The following IKZF1 variants were observed in gnomAD, a reference collection of about 807,000 sequenced individuals.
The protein encoded by IKZF1 is IKAROS family zinc finger 1, also known as DNA-binding protein Ikaros.
Under a neutral mutation model 51.7 loss-of-function variants are expected in IKZF1, and 10 were observed. The ratio of observed to expected loss-of-function variants is 0.19; its 90% confidence interval spans 0.12 to 0.33. The LOEUF (loss-of-function observed/expected upper bound fraction) is 0.33. IKZF1 is among the 10% of genes least tolerant of loss of function. The pLI, the probability that IKZF1 is intolerant of heterozygous loss-of-function variation, is 1.00. For synonymous variants in IKZF1, 280 were observed against 282.3 expected (o/e 0.99, Z 0.08); for missense variants, 484 against 707.5 (o/e 0.68, Z 3.58).
rs533558950 is a variant in IKZF1 at position 50,348,463 on chromosome 7, T to C, written c.160+20706T>C. Among the ~76,000 whole-genome samples, 2 of 152,296 alleles carry C rather than the reference T, an allele frequency of 1.3e-5. 1 individual carries two copies. Among genetic ancestry groups the C allele is most frequent in the South Asian group, 4.1e-4 (2 of 4,828 alleles). ...TGAGAAACAGTTATTTTTGGGACATTCTTTGAGGTAAAACACCTCCTTAAG... is the reference window on the plus strand; with the variant it reads ...TGAGAAACAGTTATTTTTGGGACATCCTTTGAGGTAAAACACCTCCTTAAG... On this transcript the variant is annotated intron_variant, in intron 3 of 7. Coordinates refer to ENST00000331340, the MANE Select transcript of IKZF1 (RefSeq NM_006060.6).
At chr7:50,342,460 A>G (rs1799269989) in intron 3 of IKZF1, among the ~76,000 whole-genome samples, 1 of 152,218 alleles carries the variant, frequency 6.6e-6, no homozygotes, top group African/African-American at 2.4e-5. Flanking sequence ...TGCTTTATAG[A>G]CATGAGGCAG....
rs1040607869 is a variant in IKZF1 at position 50,400,130 on chromosome 7, G to A, written c.1063G>A (p.Ala355Thr). The A allele has an allele frequency of 1.3e-6, 2 of 1,562,942 alleles. No homozygotes were observed. The highest frequency in any genetic ancestry group is 1.7e-6 in the Non-Finnish European group (2 of 1,155,532). The change falls in exon 8 of 8, where the codon GCG becomes ACG. Residue 355 changes from alanine (A) to threonine (T), a missense_variant. Coordinates refer to ENST00000331340, the MANE Select transcript of IKZF1 (RefSeq NM_006060.6). The surrounding 1 kb of genome is among the most constrained non-coding windows in gnomAD (Gnocchi z 5.4). ...SPMYQLHKPL[A>T]EGTPRSNHSA... ...GATGTACCAGCTGCACAAGCCGCTC[G>A]CGGAGGGCACCCCGCGCTCCAACCA...
intron 1 of IKZF1, among the ~76,000 whole-genome samples, chr7:50,316,742 A>G (rs532536237): frequency 6.6e-6 from 1 of 152,344 alleles, no homozygotes; most frequent in South Asian, 2.1e-4. Context: ...AGGACTTAGC[A>G]TTGATCACCT....
At chr7:50,368,613 C>T (rs984250259) in intron 3 of IKZF1, 4 of 412,438 alleles carry the variant, frequency 9.7e-6, no homozygotes, top group Non-Finnish European at 1.7e-5. Flanking sequence ...CCCGCAGGAC[C>T]TTCTCTGATC....
intron 3 of IKZF1, among the ~76,000 whole-genome samples, chr7:50,341,162 T>TA (rs1554340880): frequency 3.3e-5 from 5 of 151,024 alleles, no homozygotes; most frequent in African/African-American, 1.2e-4. Flanking sequence ...TTTTTTTTTT[T>TA]AGACAGAGTT....
chr7:50,341,092 A>T (rs1726711830), intron 3 of IKZF1, among the ~76,000 whole-genome samples: 1 of 151,160 alleles, frequency 6.6e-6, no homozygotes, highest in South Asian at 2.1e-4. Flanking sequence ...ATATACCCTT[A>T]AAATCTGCTT....
In IKZF1 at chr7:50,319,057, G is replaced by A. The variant is rs769828591; in HGVS notation, c.-5G>A. 12 of 1,611,988 alleles carry A rather than the reference G, an allele frequency of 7.4e-6. No homozygotes were observed. The highest frequency in any genetic ancestry group is 1.0e-5 in the Non-Finnish European group (12 of 1,178,186). On this transcript the variant is annotated 5_prime_UTR_variant, in exon 2 of 8. Transcript: ENST00000331340. ...TTCCTCTCTTTCTCAGATAACCTGA[G>A]GACCATGGATGCTGATGAGGGTCAA...
In IKZF1 at chr7:50,400,592, A is replaced by G. The variant is rs762184064; in HGVS notation, c.1525A>G (p.Ile509Val). 3 of 1,612,642 alleles carry G rather than the reference A, an allele frequency of 1.9e-6. No homozygotes were observed. The highest frequency in any genetic ancestry group is 2.5e-6 in the Non-Finnish European group (3 of 1,179,882). ...SQDRYEFSSHITRGEHRFHMS is the reference protein window; with the variant it reads ...SQDRYEFSSHVTRGEHRFHMS ...GGACCGGTACGAGTTCTCGTCGCAC[A>G]TAACGCGAGGGGAGCACCGCTTCCA... Residue 509 changes from isoleucine (I) to valine (V), a missense_variant, in exon 8 of 8, where the codon ATA (isoleucine) becomes GTA (valine). Ile to Val is a conservative substitution (Grantham distance 29, BLOSUM62 3). Transcript: ENST00000331340. This position sits in a 1 kb window ranked among gnomAD's most constrained non-coding sequence, Gnocchi z 5.4.
intron 2 of IKZF1, among the ~76,000 whole-genome samples, chr7:50,324,191 A>T (rs1156702415): frequency 2.0e-5 from 3 of 152,224 alleles, no homozygotes; most frequent in Non-Finnish European, 4.4e-5. Context: ...GGGTTTCATG[A>T]AGTGATAACT....
At chr7:50,341,162 T>TC (rs1394713634) in intron 3 of IKZF1, among the ~76,000 whole-genome samples, 1 of 151,024 alleles carries the variant, frequency 6.6e-6, no homozygotes, top group Middle Eastern at 3.2e-3. Context: ...TTTTTTTTTT[T>TC]AGACAGAGTT....
At chr7:50,353,387 A>G (rs1014239910) in intron 3 of IKZF1, among the ~76,000 whole-genome samples, 1 of 152,180 alleles carries the variant, frequency 6.6e-6, no homozygotes, top group Non-Finnish European at 1.5e-5. Context: ...GCAAGGCCTG[A>G]GGTCTGGAAG....
At chr7:50,339,895 T>A (rs1231160110) in intron 3 of IKZF1, among the ~76,000 whole-genome samples, 2 of 152,236 alleles carry the variant, frequency 1.3e-5, no homozygotes, top group South Asian at 4.1e-4. Flanking sequence ...TACATTAATA[T>A]GTTACTAAAT....
intron 7 of IKZF1, among the ~76,000 whole-genome samples, chr7:50,395,197 T>C (rs1456181434): frequency 6.6e-6 from 1 of 152,198 alleles, no homozygotes; most frequent in East Asian, 1.9e-4. Flanking sequence ...CTAAATATTT[T>C]CTGTTGCATA....
intron 2 of IKZF1, among the ~76,000 whole-genome samples, chr7:50,322,984 A>T (rs1793827791): frequency 6.6e-6 from 1 of 152,230 alleles, no homozygotes; most frequent in African/African-American, 2.4e-5. Flanking sequence ...TTCCATAAAC[A>T]TAAACATAAA....
At chr7:50,324,152 G>A (rs563732590) in intron 2 of IKZF1, among the ~76,000 whole-genome samples, 1 of 152,276 alleles carries the variant, frequency 6.6e-6, no homozygotes, top group Non-Finnish European at 1.5e-5. Flanking sequence ...TTTAAAATCA[G>A]TGCATAAAAA....
intron 3 of IKZF1, among the ~76,000 whole-genome samples, chr7:50,335,023 T>G (rs1391592521): frequency 6.7e-6 from 1 of 149,574 alleles, no homozygotes; most frequent in Non-Finnish European, 1.5e-5. Context: ...ATGTGTGTAT[T>G]GGATGTGTGG....
intron 1 of IKZF1, among the ~76,000 whole-genome samples, chr7:50,311,835 A>C (rs1355844449): frequency 6.6e-6 from 1 of 152,192 alleles, no homozygotes; most frequent in Non-Finnish European, 1.5e-5. Context: ...GCTGAGGGAA[A>C]AACTTACTGT....
chr7:50,373,922 T>G (rs575426002), intron 3 of IKZF1, among the ~76,000 whole-genome samples: 2 of 152,298 alleles, frequency 1.3e-5, no homozygotes, highest in East Asian at 3.9e-4. Flanking sequence ...GGGGAGAGGT[T>G]AGCAGGAGGC....
chr7:50,312,908 T>C (rs907007534), intron 1 of IKZF1, among the ~76,000 whole-genome samples: 1 of 152,236 alleles, frequency 6.6e-6, no homozygotes, highest in African/African-American at 2.4e-5. Flanking sequence ...TTGTTTTTCA[T>C]TGTTATTTGC....
Sources: gnomAD v4.1 joint callset for allele counts (sites outside exome capture counted in the v4.1 genomes callset) on GRCh38, gnomAD v4.1.1 for gene constraint, Gnocchi (gnomAD v3.1) non-coding constraint, MANE v1.5 for transcripts, NCBI Gene and HGNC (gene_info 2026-07-23, HGNC 2026-07-21) for gene names.